The following ROBO2 variants were observed in gnomAD, a reference collection of about 807,000 sequenced individuals.
ROBO2 encodes the protein roundabout homolog 2.
A neutral mutation model predicts 160.8 loss-of-function variants in ROBO2; 53 were observed. The ratio of observed to expected loss-of-function variants is 0.33; its 90% CI spans 0.26 to 0.41. ROBO2 has a LOEUF of 0.41. Among genes scored for constraint, ROBO2 ranks in the 10% least tolerant of loss-of-function variants. ROBO2 has a pLI of 1.00. For synonymous variants in ROBO2, 664 were observed against 611.7 expected (o/e 1.09, Z -1.26); for missense variants, 1,577 against 1,722.4 (o/e 0.92, Z 1.49).
At chr3:76,747,270 C>T (rs774586) in intron 2 of ROBO2, among the ~76,000 whole-genome samples, 26,673 of 151,966 alleles carry the variant, frequency 0.18, 2,581 homozygotes, top group Non-Finnish European at 0.22. Context: ...GAGCAGTGTA[C>T]GCAAAATTTC....
At chr3:76,760,536 G>A (rs2061245259) in intron 2 of ROBO2, among the ~76,000 whole-genome samples, 1 of 151,696 alleles carries the variant, frequency 6.6e-6, no homozygotes, top group Admixed American at 6.6e-5. Context: ...TGCAATCTGG[G>A]ATCTCCAGCT....
chr3:76,157,676 A>G (rs1395851343), intron 2 of ROBO2, among the ~76,000 whole-genome samples: 1 of 152,182 alleles, frequency 6.6e-6, no homozygotes, highest in Non-Finnish European at 1.5e-5. Context: ...TTTTGTGGAA[A>G]CAACAGAACT....
chr3:76,002,637 G>A (rs1389894969), intron 2 of ROBO2, among the ~76,000 whole-genome samples: 2 of 152,236 alleles, frequency 1.3e-5, no homozygotes, highest in African/African-American at 4.8e-5. Flanking sequence ...TTCCCAGCAC[G>A]TGGAACTGTG....
chr3:76,707,722 CAT>C (rs1491190486), intron 2 of ROBO2, among the ~76,000 whole-genome samples: 38 of 109,754 alleles, frequency 3.5e-4, no homozygotes, highest in African/African-American at 1.4e-3. Flanking sequence ...CATTAGAATA[CAT>C]GTGTGTGTAT....
exon 25 of ROBO2, chr3:77,644,722 A>G (rs779065122): frequency 6.2e-7 from 1 of 1,613,998 alleles, no homozygotes; most frequent in Non-Finnish European, 8.5e-7. Flanking sequence ...TTGGTGCCCT[A>G]TAGCAAGCCC....
At chr3:76,663,965 G>A (rs72888323) in intron 2 of ROBO2, among the ~76,000 whole-genome samples, 4,367 of 152,048 alleles carry the variant, frequency 0.029, 207 homozygotes, top group African/African-American at 0.098. Context: ...AATTGTTGAT[G>A]GGATAGTCAG....
chr3:76,730,952 CCG>C (rs2107845727), intron 2 of ROBO2, among the ~76,000 whole-genome samples: 1 of 33,656 alleles, frequency 3.0e-5, no homozygotes, highest in Non-Finnish European at 5.6e-5. Flanking sequence ...TACTCCCTAC[CCG>C]CTTCTCCTCA....
intron 2 of ROBO2, among the ~76,000 whole-genome samples, chr3:76,942,829 A>G (rs574855218): frequency 5.6e-4 from 85 of 152,098 alleles, no homozygotes; most frequent in African/African-American, 2.0e-3. Context: ...TTCAACTCTC[A>G]CTTTCTATTA....
chr3:77,534,661 A>G (rs1201306464), intron 6 of ROBO2, among the ~76,000 whole-genome samples: 1 of 152,208 alleles, frequency 6.6e-6, no homozygotes, highest in East Asian at 1.9e-4. Flanking sequence ...TAGATTTATT[A>G]AAAATATATA....
chr3:76,524,271 A>T (rs2081807988), intron 2 of ROBO2, among the ~76,000 whole-genome samples: 2 of 152,018 alleles, frequency 1.3e-5, no homozygotes, highest in Admixed American at 6.6e-5. Context: ...ATTTGGAAAC[A>T]TTTACTAAAG....
chr3:76,913,305 C>T (rs941261171), intron 2 of ROBO2, among the ~76,000 whole-genome samples: 3 of 152,230 alleles, frequency 2.0e-5, no homozygotes, highest in Non-Finnish European at 4.4e-5. Context: ...ATCGTCATTA[C>T]GGAGGGAGTC....
chr3:76,121,841 C>T (rs1365298171), intron 2 of ROBO2, among the ~76,000 whole-genome samples: 5 of 149,326 alleles, frequency 3.3e-5, no homozygotes, highest in Admixed American at 1.3e-4. Flanking sequence ...ACCTTTGAGG[C>T]AGACAGTCTC....
intron 2 of ROBO2, among the ~76,000 whole-genome samples, chr3:76,868,707 G>A (rs753526733): frequency 1.4e-4 from 21 of 151,920 alleles, no homozygotes; most frequent in Non-Finnish European, 2.5e-4. Flanking sequence ...AAAGTATCCA[G>A]TCTTTAAATG....
chr3:76,620,713 T>C (rs2088999149), intron 2 of ROBO2, among the ~76,000 whole-genome samples: 1 of 152,164 alleles, frequency 6.6e-6, no homozygotes. Context: ...TTATGGCCAG[T>C]GGCAAAAATT....
chr3:76,024,914 A>C (rs189304207), intron 2 of ROBO2, among the ~76,000 whole-genome samples: 147 of 150,806 alleles, frequency 9.7e-4, no homozygotes, highest in African/African-American at 3.4e-3. Context: ...CAGGCATAAA[A>C]GTATATGTAT....
chr3:76,958,057 C>A (rs545015699), intron 2 of ROBO2, among the ~76,000 whole-genome samples: 1 of 152,064 alleles, frequency 6.6e-6, no homozygotes, highest in East Asian at 1.9e-4. Context: ...TGATTATGGG[C>A]GAAATATGGC....
intron 2 of ROBO2, among the ~76,000 whole-genome samples, chr3:77,428,396 C>T (rs1194791484): frequency 7.2e-6 from 1 of 139,674 alleles, no homozygotes; most frequent in Non-Finnish European, 1.5e-5. Flanking sequence ...TCACCCAGGC[C>T]GGACTGCGGA....
intron 2 of ROBO2, among the ~76,000 whole-genome samples, chr3:76,054,872 A>T (rs9812834): frequency 0.63 from 95,200 of 151,990 alleles, 30,736 homozygotes; most frequent in African/African-American, 0.78. Flanking sequence ...GTGTCAGCCC[A>T]TAAACCCTTA....
At chr3:76,080,447 C>T (rs555490926) in intron 2 of ROBO2, among the ~76,000 whole-genome samples, 2 of 152,232 alleles carry the variant, frequency 1.3e-5, no homozygotes, top group African/African-American at 4.8e-5. Flanking sequence ...TGTAAAAAAC[C>T]GTATTTTAGC....
Sources: allele counts gnomAD v4.1 joint callset (sites outside exome capture counted in the v4.1 genomes callset), GRCh38; gene constraint gnomAD v4.1.1; transcripts MANE v1.5; gene names NCBI Gene and HGNC (gene_info 2026-07-23, HGNC 2026-07-21).